Variants in POLI observed in about 807,000 individuals in gnomAD.
POLI encodes RAD30 homolog B.
A neutral mutation model predicts 51.6 loss-of-function variants in POLI; 58 were observed. The ratio of observed to expected loss-of-function variants is 1.12; its 90% CI spans 0.91 to 1.40. The LOEUF (loss-of-function observed/expected upper bound fraction) is 1.40, where lower values mean the gene tolerates loss of function less well. Ranked by LOEUF, POLI falls within the 40% of genes most tolerant of loss-of-function variation. The pLI is 0.00. For synonymous variants in POLI, 322 were observed against 299.7 expected (o/e 1.07, Z -0.77); for missense variants, 921 against 871.3 (o/e 1.06, Z -0.72).
chr18:54,303,026 A>T (rs977493616), downstream of POLI, among the ~76,000 whole-genome samples: 3 of 152,234 alleles, frequency 2.0e-5, no homozygotes, highest in African/African-American at 7.2e-5. Flanking sequence ...CCTGTGGGTT[A>T]TCAGCTTGTG....
At chr18:54,291,164 A>C (rs993341889) in intron 8 of POLI, among the ~76,000 whole-genome samples, 2 of 151,988 alleles carry the variant, frequency 1.3e-5, no homozygotes, top group African/African-American at 4.8e-5. Context: ...GAGCCTATGT[A>C]GTCCCTCTTT....
intron 2 of POLI, among the ~76,000 whole-genome samples, chr18:54,271,852 G>C (rs1403890411): frequency 1.3e-5 from 2 of 152,134 alleles, no homozygotes; most frequent in Non-Finnish European, 2.9e-5. Flanking sequence ...GTGTTCGTCT[G>C]TCCTCCCCTT....
chr18:54,307,593 A>T (rs1410936190), intron 3 of POLI, among the ~76,000 whole-genome samples: 1 of 152,152 alleles, frequency 6.6e-6, no homozygotes, highest in South Asian at 2.1e-4. Context: ...GTAGATGTTT[A>T]TTAGGTCTGC....
rs777178383 is a variant in POLI, at chr18:54,287,307, A to C, written c.1094A>C (p.His365Pro). The C allele has an allele frequency of 8.8e-6, 14 of 1,583,258 alleles. No homozygotes were observed. The highest frequency in any genetic ancestry group is 2.3e-5 in the East Asian group (1 of 44,160). The change falls in exon 8 of 10, where the codon CAT (histidine) becomes CCT (proline). Residue 365 changes from histidine to proline, a missense_variant. Physicochemically the swap from His to Pro is moderately conservative, Grantham distance 77 (BLOSUM62 -2). Transcript: ENST00000579534. ...NRVCQDGRKP[H>P]TVRLIIRRYS... is the part of the protein sequence containing the mutation. ...GTATGCCAAGATGGAAGGAAGCCTCATACAGTGAGATTAATAATCCGTCGG... is the reference window on the plus strand; with the variant it reads ...GTATGCCAAGATGGAAGGAAGCCTCCTACAGTGAGATTAATAATCCGTCGG...
chr18:54,280,853 A>G lies in POLI; in HGVS notation c.746A>G (p.Glu249Gly), dbSNP rs766493497. 8 of 1,612,890 alleles carry G rather than the reference A, an allele frequency of 5.0e-6. No individual in the cohort carries two copies. In the East Asian group the frequency reaches 1.8e-4, roughly 36 times the overall value. Residue 249 changes from glutamate (E) to glycine (G), a missense_variant, in exon 5 of 10, where the codon GAA becomes GGA. By Grantham distance (98) the Glu-to-Gly change is moderately conservative. Coordinates refer to ENST00000579534, the MANE Select transcript of POLI (RefSeq NM_007195.3). ...AATCAACAAACAGTCTTATTACCTG[A>G]AAGTTGTCAACATCTTATTCATAGT... The part of the protein sequence containing the change: ...KPNQQTVLLP[E>G]SCQHLIHSLN...
chr18:54,311,784 C>G (rs1273270718), intron 3 of POLI, among the ~76,000 whole-genome samples: 2 of 152,110 alleles, frequency 1.3e-5, no homozygotes, highest in African/African-American at 2.4e-5. Context: ...GCCGAATAAT[C>G]AAATAACTAC....
intron 3 of POLI, among the ~76,000 whole-genome samples, chr18:54,313,188 C>T (rs1168270543): frequency 6.6e-6 from 1 of 152,154 alleles, no homozygotes; most frequent in African/African-American, 2.4e-5. Flanking sequence ...TATCCCAGCA[C>T]CATGTATTGA....
downstream of POLI, among the ~76,000 whole-genome samples, chr18:54,301,590 A>T (rs1470292671): frequency 6.6e-6 from 1 of 152,132 alleles, no homozygotes; most frequent in East Asian, 1.9e-4. Flanking sequence ...CAGAGTTCAT[A>T]TGCATATAAT....
At chr18:54,281,315 C>T (rs981332468) in intron 5 of POLI, among the ~76,000 whole-genome samples, 3 of 152,146 alleles carry the variant, frequency 2.0e-5, no homozygotes, top group Admixed American at 2.0e-4. Flanking sequence ...TCCAAAACAT[C>T]TAGGCCAAGG....
intron 3 of POLI, among the ~76,000 whole-genome samples, chr18:54,316,919 G>A (rs905203119): frequency 3.9e-5 from 6 of 152,126 alleles, no homozygotes; most frequent in East Asian, 1.9e-4. Context: ...ATTTGCAAGC[G>A]GAAGTTAAAG....
At chr18:54,288,889 A>C (rs2087867298) in intron 8 of POLI, among the ~76,000 whole-genome samples, 1 of 151,982 alleles carries the variant, frequency 6.6e-6, no homozygotes, top group Non-Finnish European at 1.5e-5. Flanking sequence ...GGTTGTCTTT[A>C]ATTCTTTGGA....
At position 54,296,104 on chromosome 18, in the gene POLI, A is replaced by G; in HGVS notation, c.*1637A>G. ...TGAATCAAGGAACATAGTATTTTTT[A>G]CATGAGTATTCCAGTAAGGTAATTA... On this transcript the variant is annotated 3_prime_UTR_variant, in exon 10 of 10. Transcript: ENST00000579534. 2.0e-6 allele frequency: 2 copies of G among 983,022 alleles called. No homozygotes were observed. Among genetic ancestry groups the G allele is most frequent in the Non-Finnish European group, 2.4e-6 (2 of 827,756 alleles). 60.9% of individuals were successfully genotyped at this position (983,022 alleles called of 1,614,324 possible). A position where few individuals can be genotyped will look rare whatever the true frequency, so the allele number is the denominator to read the frequency against.
At chr18:54,292,242 A>G (rs1467483374) in intron 9 of POLI, among the ~76,000 whole-genome samples, 1 of 152,148 alleles carries the variant, frequency 6.6e-6, no homozygotes, top group Non-Finnish European at 1.5e-5. Flanking sequence ...AAACATAAGC[A>G]TCACTGGATA....
intron 5 of POLI, among the ~76,000 whole-genome samples, chr18:54,282,043 T>C (rs1026169948): frequency 6.6e-6 from 1 of 152,174 alleles, no homozygotes; most frequent in Non-Finnish European, 1.5e-5. Flanking sequence ...TTTTTGTTTG[T>C]TTGCTTTCTG....
chr18:54,311,235 G>T (rs960283352), intron 3 of POLI: 1 of 259,686 alleles, frequency 3.9e-6, no homozygotes, highest in Non-Finnish European at 6.0e-6. Context: ...TGTTGTTGAT[G>T]CATCTACCTC....
chr18:54,319,903 CA>C (rs1351582108), intron 3 of POLI, among the ~76,000 whole-genome samples: 1 of 152,082 alleles, frequency 6.6e-6, no homozygotes, highest in Non-Finnish European at 1.5e-5. Flanking sequence ...TTTCTGATTT[CA>C]AGATTTTTAT....
chr18:54,281,048 T>C (rs2087478409), intron 5 of POLI, 145 bp downstream of exon 5: 6 of 481,478 alleles, frequency 1.2e-5, no homozygotes, highest in Non-Finnish European at 2.2e-5. Flanking sequence ...ACTTGGTTCC[T>C]GGAAAAAACT....
chr18:54,289,103 T>G (rs953344797), intron 8 of POLI, among the ~76,000 whole-genome samples: 10 of 152,154 alleles, frequency 6.6e-5, no homozygotes, highest in African/African-American at 2.2e-4. Flanking sequence ...TTTTCTTTTT[T>G]GTTTCCTGTA....
chr18:54,293,382 A>G (rs2088118183), intron 9 of POLI, among the ~76,000 whole-genome samples: 1 of 151,970 alleles, frequency 6.6e-6, no homozygotes, highest in Non-Finnish European at 1.5e-5. Context: ...GATTGTTACA[A>G]TCTTCCCAGG....
Sources: allele counts gnomAD v4.1 joint callset (sites outside exome capture counted in the v4.1 genomes callset), GRCh38; gene constraint gnomAD v4.1.1; transcripts MANE v1.5; gene names NCBI Gene and HGNC (gene_info 2026-07-23, HGNC 2026-07-21).